The following DEPDC5 variants were observed in gnomAD, a reference collection of about 807,000 sequenced individuals.
The protein encoded by DEPDC5 is GATOR1 complex protein DEPDC5.
Under a neutral mutation model 217.3 loss-of-function variants are expected in DEPDC5, and 73 were observed. That is an observed-to-expected ratio of 0.34 (90% CI 0.28 to 0.41). DEPDC5 has a LOEUF of 0.41. Among genes scored for constraint, DEPDC5 ranks in the 10% least tolerant of loss-of-function variants. DEPDC5 has a pLI of 1.00. For synonymous variants in DEPDC5, 733 were observed against 756.7 expected (o/e 0.97, Z 0.51); for missense variants, 1,675 against 2,070.1 (o/e 0.81, Z 3.70).
chr22:31,843,265 A>G (rs994532648), intron 28 of DEPDC5, 53 bp downstream of exon 28: 35 of 1,543,674 alleles, frequency 2.3e-5, no homozygotes, highest in Non-Finnish European at 2.7e-5. Context: ...TTATGGCCAC[A>G]TACTAAATTG....
At chr22:31,834,100 G>A in intron 25 of DEPDC5, 120 bp downstream of exon 25, 1 of 993,802 alleles carries the variant, frequency 1.0e-6, no homozygotes, top group African/African-American at 1.6e-5. Flanking sequence ...CATACCTCTG[G>A]GGTATGGGAA....
intron 33 of DEPDC5, among the ~76,000 whole-genome samples, chr22:31,866,071 T>A (rs2092680076): frequency 6.6e-6 from 1 of 152,132 alleles, no homozygotes; most frequent in African/African-American, 2.4e-5. Flanking sequence ...AAAGTGGGGC[T>A]GTGACAAGCC....
At chr22:31,810,382 G>A (rs768726745) in intron 19 of DEPDC5, 139 bp from the exon 20 acceptor site, 8 of 1,304,830 alleles carry the variant, frequency 6.1e-6, no homozygotes, top group Admixed American at 4.7e-5. Flanking sequence ...CCTGTGCCTT[G>A]CAGATTTTGG....
chr22:31,835,929 A>G (rs1875689713), intron 25 of DEPDC5, among the ~76,000 whole-genome samples: 1 of 152,248 alleles, frequency 6.6e-6, no homozygotes, highest in Non-Finnish European at 1.5e-5. Context: ...CAGGGGCTAC[A>G]ACACATTATA....
intron 8 of DEPDC5, among the ~76,000 whole-genome samples, chr22:31,781,175 C>T (rs2084390853): frequency 6.7e-6 from 1 of 149,368 alleles, no homozygotes. Flanking sequence ...AAGATCGCGC[C>T]ATTGCACTCC....
chr22:31,836,429 A>C (rs1449891107), intron 25 of DEPDC5, among the ~76,000 whole-genome samples: 2 of 152,228 alleles, frequency 1.3e-5, no homozygotes, highest in African/African-American at 2.4e-5. Context: ...TTAAAGTTCC[A>C]GCCTCCTAAC....
rs2093771739 is a variant in DEPDC5, at chr22:31,907,361, C to T, written c.*864C>T. 1 of 151,918 alleles carries T rather than the reference C, an allele frequency of 6.6e-6. No individual in the cohort carries two copies. Among genetic ancestry groups the T allele is most frequent in the African/African-American group, 2.4e-5 (1 of 41,266 alleles). The allele number at this position is 151,918 out of a possible 1,614,324, so 9.4% of individuals were successfully genotyped here. On this transcript the variant is annotated 3_prime_UTR_variant, in exon 43 of 43. Transcript: ENST00000651528. ...AATCAAAGGAAACATTTTGTAGACTCTAACTTAGGTTTTTTTTGTTGTTGT... is the reference window on the plus strand; with the variant it reads ...AATCAAAGGAAACATTTTGTAGACTTTAACTTAGGTTTTTTTTGTTGTTGT...
intron 6 of DEPDC5, 87 bp downstream of exon 6, chr22:31,766,755 T>A: frequency 8.8e-6 from 11 of 1,244,352 alleles, no homozygotes; most frequent in Non-Finnish European, 1.3e-5. Flanking sequence ...TATAAAATCG[T>A]TTCTGATTTT....
chr22:31,765,143 A>C, intron 5 of DEPDC5, 83 bp downstream of exon 5: 4 of 1,090,412 alleles, frequency 3.7e-6, no homozygotes, highest in Non-Finnish European at 5.6e-6. Flanking sequence ...ACAATGGGTT[A>C]CTTAAGTGTA....
rs587777459 is a variant in DEPDC5, at chr22:31,815,005, C to G, written c.1459C>G (p.Arg487Gly). Residue 487 changes from arginine (R) to glycine (G), a missense_variant, in exon 21 of 43, where the codon CGA (arginine) becomes GGA (glycine). Physicochemically the swap from Arg to Gly is moderately radical, Grantham distance 125. This residue lies in a region of DEPDC5 where 628 missense variants were observed against 762.1 expected (regional missense o/e 0.82). Transcript: ENST00000651528. Reference sequence around the variant, plus strand: ...CTTGCCTGGCAGATCTGTGCGAGAGCGAGAGAGTCACAGTCGAAAGAGTGC... The same window carrying G: ...CTTGCCTGGCAGATCTGTGCGAGAGGGAGAGAGTCACAGTCGAAAGAGTGC... Reference protein sequence around the residue: ...CLTTCRSVRERESHSRKSASS... With the variant: ...CLTTCRSVREGESHSRKSASS... The G allele has an allele frequency of 3.1e-6, 5 of 1,614,032 alleles. No individual in the cohort carries two copies. In the Admixed American group the frequency reaches 8.3e-5, roughly 27 times the overall value.
chr22:31,768,932 G>C (rs552578246), intron 7 of DEPDC5, 69 bp downstream of exon 7: 2 of 1,554,654 alleles, frequency 1.3e-6, no homozygotes, highest in Admixed American at 3.4e-5. Flanking sequence ...GAGGCGTATG[G>C]ATGTCCATAT....
At chr22:31,855,263 A>G (rs1011211078) in intron 31 of DEPDC5, among the ~76,000 whole-genome samples, 1 of 152,070 alleles carries the variant, frequency 6.6e-6, no homozygotes, top group African/African-American at 2.4e-5. Context: ...GTGCCCAGCT[A>G]AAAAAATTTT....
intron 40 of DEPDC5, among the ~76,000 whole-genome samples, chr22:31,899,411 C>T (rs758297499): frequency 6.6e-6 from 1 of 151,418 alleles, no homozygotes; most frequent in East Asian, 1.9e-4. Context: ...CTTTTTGTGA[C>T]GTAGTCTCGC....
chr22:31,785,454 A>G (rs2084887248), intron 10 of DEPDC5, among the ~76,000 whole-genome samples: 1 of 152,218 alleles, frequency 6.6e-6, no homozygotes, highest in Non-Finnish European at 1.5e-5. Context: ...ACACTGTGAA[A>G]GGAGTTAATG....
At position 31,902,408 on chromosome 22, in the gene DEPDC5, T is replaced by TTATATATATATA. The variant is rs66813737; in HGVS notation, c.4436+623_4436+634dup. On this transcript the variant is annotated intron_variant, in intron 41 of 42. Transcript: ENST00000651528. ...TCTCCAGTATCCTGTCATCTCCTTA[T>TTATATATATATA]TATATATATATATATATATATATAT... is the stretch of plus-strand genomic sequence containing the variant. Among the ~76,000 whole-genome samples the TTATATATATATA allele has an allele frequency of 8.5e-3, 950 of 111,752 alleles. 12 individuals are homozygous for TTATATATATATA. Among genetic ancestry groups the TTATATATATATA allele is most frequent in the African/African-American group, 0.018 (532 of 29,076 alleles). The allele number at this position is 111,752 out of a possible 152,430, so 73.3% of individuals were successfully genotyped here. A position where few individuals can be genotyped will look rare whatever the true frequency, so the allele number is the denominator to read the frequency against.
chr22:31,755,291 G>A, intron 2 of DEPDC5: 1 of 392,066 alleles, frequency 2.6e-6, no homozygotes, highest in South Asian at 3.3e-5. Context: ...TGGCAGATAA[G>A]AGAAACTAAA....
In DEPDC5 at chr22:31,897,637, C is replaced by A; in HGVS notation, c.4359C>A (p.Ser1453Arg). The part of the protein sequence containing the change: ...LNISCLLKEG[S>R]EHLFDSFEPE... ...TCAGCTGCTTGCTCAAGGAGGGCAG[C>A]GAGCACCTGTTTGATAGTAAGAAAT... Residue 1453 changes from serine (S) to arginine (R), a missense_variant, in exon 40 of 43, where the codon AGC becomes AGA. Around this residue, in one of 11 missense-constraint regions of DEPDC5, gnomAD observed 182 missense variants for 290.1 expected, o/e 0.63. Transcript: ENST00000651528. The A allele has an allele frequency of 6.2e-7, 1 of 1,613,984 alleles. No homozygotes were observed. Among genetic ancestry groups the A allele is most frequent in the Non-Finnish European group, 8.5e-7 (1 of 1,179,972 alleles).
Position 31,845,096 on chromosome 22 carries a change from G to A in DEPDC5, c.2880G>A (p.Thr960=), listed in dbSNP as rs767693306. The A allele has an allele frequency of 1.5e-5, 24 of 1,614,090 alleles. No individual in the cohort carries two copies. Among genetic ancestry groups the A allele is most frequent in the Admixed American group, 3.3e-5 (2 of 60,004 alleles). ...GTGTCACCGCCACCAAGCGCATCACGGAGGGGGAGGCCCACTGCGACATCT... is the reference window on the plus strand; with the variant it reads ...GTGTCACCGCCACCAAGCGCATCACAGAGGGGGAGGCCCACTGCGACATCT... ...PACVTATKRI[T]EGEAHCDIYG... is the part of the protein sequence containing the mutation. The change falls in exon 30 of 43, where the codon ACG becomes ACA. Residue 960 remains threonine (T), a synonymous_variant. Transcript: ENST00000651528.
chr22:31,768,763 A>G (rs766116050), intron 6 of DEPDC5, 51 bp from the exon 7 acceptor site: 4 of 1,448,424 alleles, frequency 2.8e-6, no homozygotes, highest in Non-Finnish European at 3.8e-6. Flanking sequence ...TCTCTTTCTC[A>G]CCCTCTCTCC....
Sources: allele counts gnomAD v4.1 joint callset (sites outside exome capture counted in the v4.1 genomes callset), GRCh38; gene constraint gnomAD v4.1.1; regional missense constraint gnomAD v4.1.1; transcripts MANE v1.5; gene names NCBI Gene and HGNC (gene_info 2026-07-23, HGNC 2026-07-21).